UIMC1: variants seen among roughly 807,000 people sequenced by gnomAD.
UIMC1 encodes the protein ubiquitin interaction motif containing 1.
UIMC1 carries 42 observed loss-of-function variants against 84.9 expected under a neutral mutation model. That is an observed-to-expected ratio of 0.49 (90% confidence interval 0.39 to 0.64). UIMC1 has a LOEUF of 0.64. Ranked by LOEUF, UIMC1 falls within the 30% of genes least tolerant of loss-of-function variation. The pLI is 0.00. For missense variants in UIMC1, 825 were observed against 847.6 expected (o/e 0.97, Z 0.33); for synonymous variants, 281 against 293.0 (o/e 0.96, Z 0.42).
At position 176,915,596 on chromosome 5, in the gene UIMC1, C is replaced by G. The variant is rs977661844; in HGVS notation, c.1598-4207G>C. On this transcript the variant is annotated intron_variant, in intron 10 of 14. Coordinates refer to ENST00000511320, the MANE Select transcript of UIMC1 (RefSeq NM_001199298.2). ...TCAGCCCCCTGAGTAGCTGGGATTACAGGCGCCTGCCACCACACCTGGCTA... is the reference window on the plus strand; with the variant it reads ...TCAGCCCCCTGAGTAGCTGGGATTAGAGGCGCCTGCCACCACACCTGGCTA... Among the ~76,000 whole-genome samples, 2 of 151,608 alleles carry G rather than the reference C, an allele frequency of 1.3e-5. 1 individual carries two copies. Among genetic ancestry groups the G allele is most frequent in the Admixed American group, 1.3e-4 (2 of 15,212 alleles).
chr5:177,002,942 A>G (rs1774747638), intron 1 of UIMC1, among the ~76,000 whole-genome samples: 1 of 152,180 alleles, frequency 6.6e-6, no homozygotes, highest in South Asian at 2.1e-4. Flanking sequence ...GTCTCCTGAC[A>G]TGAAAACTGG....
At chr5:176,985,757 A>G (rs1372310804) in intron 1 of UIMC1, among the ~76,000 whole-genome samples, 2 of 152,124 alleles carry the variant, frequency 1.3e-5, no homozygotes, top group Non-Finnish European at 2.9e-5. Context: ...GGGGTGTGCC[A>G]GCACACCTGG....
intron 9 of UIMC1, among the ~76,000 whole-genome samples, chr5:176,947,255 T>C (rs1466221161): frequency 6.6e-6 from 1 of 152,198 alleles, no homozygotes; most frequent in African/African-American, 2.4e-5. Flanking sequence ...TATTAACTAC[T>C]AGGGAAGAAC....
intron 11 of UIMC1, among the ~76,000 whole-genome samples, chr5:176,908,981 T>C (rs577583203): frequency 3.5e-4 from 53 of 152,384 alleles, no homozygotes; most frequent in African/African-American, 1.3e-3. Flanking sequence ...ACAATGCTGA[T>C]TGCTCTTCAG....
chr5:177,007,742 G>C (rs1338954631), upstream of UIMC1, among the ~76,000 whole-genome samples: 1 of 152,214 alleles, frequency 6.6e-6, no homozygotes, highest in Non-Finnish European at 1.5e-5. Flanking sequence ...AGGGGTGAAA[G>C]AAGGAGTAGC....
intron 9 of UIMC1, among the ~76,000 whole-genome samples, chr5:176,943,927 G>C (rs1764766933): frequency 6.6e-6 from 1 of 152,194 alleles, no homozygotes; most frequent in South Asian, 2.1e-4. Flanking sequence ...TGAAGGACTA[G>C]AATCTGCCTC....
intron 10 of UIMC1, among the ~76,000 whole-genome samples, chr5:176,929,428 G>C (rs1001734420): frequency 3.3e-5 from 5 of 151,276 alleles, no homozygotes; most frequent in African/African-American, 1.2e-4. Flanking sequence ...TTAGCCAGGC[G>C]TGGTGGCGGG....
intron 10 of UIMC1, among the ~76,000 whole-genome samples, chr5:176,929,109 G>T (rs746681300): frequency 6.6e-6 from 1 of 151,602 alleles, no homozygotes; most frequent in Non-Finnish European, 1.5e-5. Context: ...AAAAAAATTA[G>T]CCAGGGGTGG....
In UIMC1 at chr5:176,968,691, T is replaced by A. The variant is rs1204296445; in HGVS notation, c.1064A>T (p.Asp355Val). The A allele has an allele frequency of 1.9e-6, 3 of 1,614,044 alleles. No homozygotes were observed. Among genetic ancestry groups the A allele is most frequent in the African/African-American group, 2.7e-5 (2 of 74,906 alleles). Residue 355 changes from aspartate (D) to valine (V), a missense_variant, in exon 6 of 15, where the codon GAT becomes GTT. Physicochemically the swap from Asp to Val is radical, Grantham distance 152 (BLOSUM62 -3). Coordinates refer to ENST00000511320, the MANE Select transcript of UIMC1 (RefSeq NM_001199298.2). ...CTCCTGCCTCTCCTCTTTGTCTTCATCTCCCATATCTTCTGAGATGCATTC... is the reference window on the plus strand; with the variant it reads ...CTCCTGCCTCTCCTCTTTGTCTTCAACTCCCATATCTTCTGAGATGCATTC... ...KNECISEDMG[D>V]EDKEERQESR...
chr5:177,004,561 A>T (rs1252411557), intron 1 of UIMC1, among the ~76,000 whole-genome samples: 1 of 152,224 alleles, frequency 6.6e-6, no homozygotes, highest in African/African-American at 2.4e-5. Context: ...GGAGGAATCA[A>T]GTCTGGATGC....
chr5:176,928,386 A>G (rs1034937660), intron 10 of UIMC1, among the ~76,000 whole-genome samples: 1 of 152,206 alleles, frequency 6.6e-6, no homozygotes, highest in Admixed American at 6.5e-5. Context: ...GCACAATACT[A>G]TATTAGATAC....
intron 10 of UIMC1, among the ~76,000 whole-genome samples, chr5:176,940,313 A>C (rs62402805): frequency 3.9e-4 from 59 of 152,214 alleles, no homozygotes; most frequent in Non-Finnish European, 7.8e-4. Context: ...AGTGGAATTC[A>C]GTAAGGGAGA....
At chr5:176,999,728 G>A in intron 1 of UIMC1, among the ~76,000 whole-genome samples, 1 of 152,072 alleles carries the variant, frequency 6.6e-6, no homozygotes, top group East Asian at 1.9e-4. Context: ...ACAAATGACA[G>A]GATCTCATTC....
At chr5:176,921,261 T>TC (rs1761675812) in intron 10 of UIMC1, among the ~76,000 whole-genome samples, 2 of 152,196 alleles carry the variant, frequency 1.3e-5, no homozygotes, top group African/African-American at 4.8e-5. Flanking sequence ...GGCTCACTTT[T>TC]CCATTTGATC....
At chr5:176,922,078 T>C (rs115615701) in intron 10 of UIMC1, among the ~76,000 whole-genome samples, 2,568 of 152,306 alleles carry the variant, frequency 0.017, 38 homozygotes, top group Middle Eastern at 0.027. Flanking sequence ...TCAAGAAGTC[T>C]CCCTTGATCT....
intron 9 of UIMC1, among the ~76,000 whole-genome samples, chr5:176,949,109 T>A (rs1765515071): frequency 6.6e-6 from 1 of 151,786 alleles, no homozygotes; most frequent in Non-Finnish European, 1.5e-5. Context: ...ATTTATTTAT[T>A]TATTTTTTTA....
chr5:176,937,871 C>A (rs1763899081), intron 10 of UIMC1, among the ~76,000 whole-genome samples: 1 of 152,130 alleles, frequency 6.6e-6, no homozygotes, highest in Non-Finnish European at 1.5e-5. Context: ...GGCTAATGGT[C>A]TCCCAGCTTG....
chr5:176,960,589 A>AGAATTATTATCAAAGGGTATTTTTAAT (rs1379489816), intron 6 of UIMC1, among the ~76,000 whole-genome samples: 13 of 30,832 alleles, frequency 4.2e-4, no homozygotes, highest in African/African-American at 2.0e-3. Flanking sequence ...AAAAAAAAAA[A>AGAATTATTATCAAAGGGTATTTTTAAT]AAAATTCAGC....
At chr5:176,964,369 T>A (rs1304194177) in intron 6 of UIMC1, among the ~76,000 whole-genome samples, 4 of 152,232 alleles carry the variant, frequency 2.6e-5, no homozygotes, top group Non-Finnish European at 5.9e-5. Flanking sequence ...ATGGAGAGAA[T>A]ACAAATTGTA....
Sources: allele counts gnomAD v4.1 joint callset (sites outside exome capture counted in the v4.1 genomes callset), GRCh38; gene constraint gnomAD v4.1.1; transcripts MANE v1.5; gene names NCBI Gene and HGNC (gene_info 2026-07-23, HGNC 2026-07-21).